FAM25C: variants seen among roughly 807,000 people sequenced by gnomAD.
FAM25C encodes protein FAM25C.
In FAM25C, 4 loss-of-function variants were observed where a neutral mutation model predicts 9.6. The ratio of observed to expected loss-of-function variants is 0.42; its 90% confidence interval spans 0.20 to 0.95. The LOEUF is 0.95. Ranked by LOEUF, FAM25C falls within the 40% of genes least tolerant of loss-of-function variation. The pLI, the probability that FAM25C is intolerant of heterozygous loss-of-function variation, is 0.31. For missense variants in FAM25C, 38 were observed against 110.4 expected (o/e 0.34, Z 2.94); for synonymous variants, 23 against 44.1 (o/e 0.52, Z 1.89).
At chr10:47,997,504 C>T (rs1186620144) in intron 2 of FAM25C, among the ~76,000 whole-genome samples, 173 bp downstream of exon 2, 3 of 151,646 alleles carry the variant, frequency 2.0e-5, no homozygotes, top group Non-Finnish European at 4.4e-5. Flanking sequence ...TGTCCTAACG[C>T]AGTACGGTCT....
intron 1 of FAM25C, among the ~76,000 whole-genome samples, chr10:47,998,248 T>C (rs1296429808): frequency 1.3e-5 from 2 of 150,716 alleles, no homozygotes; most frequent in Non-Finnish European, 3.0e-5. Flanking sequence ...TAAGACCAGG[T>C]CTCTCAAAGC....
chr10:47,995,830 G>A (rs1416845691), intron 2 of FAM25C, among the ~76,000 whole-genome samples: 1 of 148,730 alleles, frequency 6.7e-6, no homozygotes, highest in East Asian at 1.9e-4. Context: ...TCATTTTTAT[G>A]ACAAATATTT....
At chr10:47,995,802 G>C (rs1355386664) in intron 2 of FAM25C, among the ~76,000 whole-genome samples, 1 of 149,108 alleles carries the variant, frequency 6.7e-6, no homozygotes, top group Non-Finnish European at 1.5e-5. Context: ...TTTTATATTG[G>C]GTTGTTATAT....
chr10:47,997,437 T>TCA (rs1202078732), intron 2 of FAM25C, among the ~76,000 whole-genome samples: 8 of 151,860 alleles, frequency 5.3e-5, no homozygotes, highest in Non-Finnish European at 8.8e-5. Flanking sequence ...CAGTGTGCTG[T>TCA]CACATAGTCT....
chr10:47,997,785 G>T (rs1405237005), intron 1 of FAM25C, 46 bp from the exon 2 acceptor site: 1 of 1,533,122 alleles, frequency 6.5e-7, no homozygotes, highest in African/African-American at 1.4e-5. Context: ...GAGCAGGCCG[G>T]CTGCCCCTGA....
chr10:47,996,801 CAT>C (rs1842806976), intron 2 of FAM25C, among the ~76,000 whole-genome samples: 1 of 132,854 alleles, frequency 7.5e-6, no homozygotes, highest in African/African-American at 2.8e-5. Context: ...TAACATTTAA[CAT>C]AGAATTTTAC....
chr10:47,997,950 C>G (rs1842827688), intron 1 of FAM25C, among the ~76,000 whole-genome samples: 1 of 148,736 alleles, frequency 6.7e-6, no homozygotes, highest in Admixed American at 6.8e-5. Context: ...AGATGGGGCT[C>G]TGGGATGCCA....
chr10:47,997,060 C>T (rs1176220816), intron 2 of FAM25C, among the ~76,000 whole-genome samples: 17 of 148,926 alleles, frequency 1.1e-4, no homozygotes, highest in Admixed American at 6.0e-4. Flanking sequence ...ACCTCATGAT[C>T]CGCCCACCTC....
At chr10:47,998,045 G>T (rs562637160) in intron 1 of FAM25C, among the ~76,000 whole-genome samples, 1 of 151,312 alleles carries the variant, frequency 6.6e-6, no homozygotes, top group South Asian at 2.1e-4. Context: ...TTGGCTACCG[G>T]GAGACGAGCT....
chr10:47,995,384 T>C lies in FAM25C; in HGVS notation c.264A>G (p.Gly88=). 6.6e-7 allele frequency: 1 copy of C among 1,514,468 alleles called. No homozygotes were observed. The highest frequency in any genetic ancestry group is 8.9e-7 in the Non-Finnish European group (1 of 1,129,766). The allele number at this position is 1,514,468 out of a possible 1,614,324, so 93.8% of individuals were successfully genotyped here. Residue 88 remains glycine, a synonymous_variant, in exon 3 of 3, where the codon GGA becomes GGG. Transcript: ENST00000617224. ...GCCGTGGTAGCAGGTGCACTCACTG[T>C]CCAAGTTTGTCCAGACTTTCTGCTG... ...THAAESLDKL[G]Q
intron 1 of FAM25C, among the ~76,000 whole-genome samples, chr10:47,998,198 C>T (rs549673927): frequency 0.017 from 2,538 of 151,358 alleles, 96 homozygotes; most frequent in Middle Eastern, 0.041. Flanking sequence ...TCAGGATGTG[C>T]TAGCGCCTGC....
rs185495225 is a variant in FAM25C at position 47,997,398 on chromosome 10, C to T, written c.136+279G>A. On this transcript the variant is annotated intron_variant, in intron 2 of 2. Coordinates refer to ENST00000617224, the MANE Select transcript of FAM25C (RefSeq NM_001137548.3). ...TGCTGGGATTACAGGCATGAGCCAC[C>T]GTGCCCTGCCATGTTAAATGTTTTG... is the stretch of plus-strand genomic sequence containing the variant. 3.9e-4 allele frequency among the ~76,000 whole-genome samples: 60 copies of T among 151,986 alleles called. 1 individual carries two copies. Among genetic ancestry groups the T allele is most frequent in the South Asian group, 1.2e-3 (6 of 4,806 alleles).
chr10:47,996,289 AT>A (rs1187730937), intron 2 of FAM25C, among the ~76,000 whole-genome samples: 1 of 123,624 alleles, frequency 8.1e-6, no homozygotes, highest in African/African-American at 3.1e-5. Context: ...TGAGAAATAA[AT>A]TTCTGTTGTT....
At chr10:47,998,562 A>G (rs1182358659) in intron 1 of FAM25C, among the ~76,000 whole-genome samples, 1 of 117,524 alleles carries the variant, frequency 8.5e-6, no homozygotes, top group Non-Finnish European at 1.9e-5. Context: ...GAGTTCTGGG[A>G]GCCCACGCTA....
rs559674781 is a variant in FAM25C at position 47,998,058 on chromosome 10, G to A, written c.74-319C>T. The stretch of plus-strand genomic sequence containing the variant: ...CCTTGGCTACCGGGAGACGAGCTCA[G>A]TGAGCCCCATGAGGGCATGGGTCCC... On this transcript the variant is annotated intron_variant, in intron 1 of 2. Transcript: ENST00000617224. Among the ~76,000 whole-genome samples, 14 of 151,048 alleles carry A rather than the reference G, an allele frequency of 9.3e-5. No homozygotes were observed. The East Asian group carries it at 2.5e-3, about 27-fold the overall frequency.
intron 2 of FAM25C, 141 bp downstream of exon 2, chr10:47,997,536 T>A (rs1395536814): frequency 1.3e-6 from 1 of 797,732 alleles, no homozygotes; most frequent in Non-Finnish European, 2.1e-6. Context: ...TGAGCATAGA[T>A]AACTGCCCCA....
chr10:47,995,788 C>A (rs1214025479), intron 2 of FAM25C, among the ~76,000 whole-genome samples: 3 of 149,702 alleles, frequency 2.0e-5, no homozygotes, highest in African/African-American at 7.4e-5. Context: ...TGTCTTTTGA[C>A]CATTTTTATA....
chr10:47,995,547 C>T, intron 2 of FAM25C, 36 bp from the exon 3 acceptor site: 1 of 1,534,354 alleles, frequency 6.5e-7, no homozygotes, highest in Non-Finnish European at 8.7e-7. Context: ...TCCTAGTGAT[C>T]CACCTGCTGA....
Position 47,998,157 on chromosome 10 carries a change from G to T in FAM25C, c.74-418C>A, listed in dbSNP as rs538075540. ...CTTGCCAGCTGAGACATGAAACCCA[G>T]GCTGGGCCTGTGTGCCAGGTCACAC... On this transcript the variant is annotated intron_variant, in intron 1 of 2. Coordinates refer to ENST00000617224, the MANE Select transcript of FAM25C (RefSeq NM_001137548.3). 7.9e-5 allele frequency among the ~76,000 whole-genome samples: 12 copies of T among 151,508 alleles called. 1 individual carries two copies. Among genetic ancestry groups the T allele is most frequent in the Admixed American group, 7.2e-4 (11 of 15,194 alleles).
Sources: allele counts gnomAD v4.1 joint callset (sites outside exome capture counted in the v4.1 genomes callset), GRCh38; gene constraint gnomAD v4.1.1; transcripts MANE v1.5; gene names NCBI Gene and HGNC (gene_info 2026-07-23, HGNC 2026-07-21).